Variants in RNF111 observed in about 807,000 individuals in gnomAD.
RNF111 encodes the protein E3 ubiquitin-protein ligase Arkadia.
RNF111 carries 17 observed loss-of-function variants against 95.1 expected under a neutral mutation model. That is an observed-to-expected ratio of 0.18 (90% CI 0.12 to 0.27). The LOEUF is 0.27. RNF111 is among the 10% of genes least tolerant of loss of function. The pLI is 1.00. For synonymous variants in RNF111, 440 were observed against 414.8 expected, an observed-to-expected ratio of 1.06 and a Z score of -0.74; for missense variants, 1,189 against 1,210.4, an observed-to-expected ratio of 0.98 and a Z score of 0.26.
In RNF111 at chr15:59,097,089, C is replaced by T. The variant is rs1018592611; in HGVS notation, c.*2189C>T. On this transcript the variant is annotated 3_prime_UTR_variant, in exon 14 of 14. Transcript: ENST00000348370. ...GTTAATATAGGAGCTTATTAAGCTA[C>T]TGCCATTAGTTATCGAAAAATGTGA... 1.3e-4 allele frequency: 20 copies of T among 152,142 alleles called. No homozygotes were observed. The highest frequency in any genetic ancestry group is 4.6e-4 in the African/African-American group (19 of 41,412). 9.4% of individuals were successfully genotyped at this position (152,142 alleles called of 1,614,324 possible).
chr15:59,070,488 AG>A (rs1195116807), intron 6 of RNF111, among the ~76,000 whole-genome samples: 2 of 152,214 alleles, frequency 1.3e-5, no homozygotes, highest in Non-Finnish European at 2.9e-5. Context: ...TCTAAATAGT[AG>A]GGAAAGGATT....
intron 1 of RNF111, among the ~76,000 whole-genome samples, chr15:59,001,456 G>A (rs1481826292): frequency 3.3e-5 from 5 of 152,012 alleles, no homozygotes; most frequent in Non-Finnish European, 4.4e-5. Context: ...TTTACTATCA[G>A]TTTAGTGGGG....
At chr15:59,036,357 G>A (rs1223919761) in intron 2 of RNF111, among the ~76,000 whole-genome samples, 1 of 152,056 alleles carries the variant, frequency 6.6e-6, no homozygotes, top group Non-Finnish European at 1.5e-5. Flanking sequence ...CACCGCACCC[G>A]GCCAAGACTG....
chr15:59,011,025 A>G (rs936551210), intron 1 of RNF111, among the ~76,000 whole-genome samples: 17 of 152,160 alleles, frequency 1.1e-4, no homozygotes. Context: ...AGTTGTTTGA[A>G]TTTGGCATCT....
At chr15:59,084,337 T>G (rs777842328) in intron 9 of RNF111, 83 bp downstream of exon 9, 16 of 1,306,388 alleles carry the variant, frequency 1.2e-5, no homozygotes, top group Admixed American at 5.1e-5. Context: ...ATTGATTGCT[T>G]TGCAGAAGGA....
chr15:59,075,489 A>G (rs2140131441), intron 6 of RNF111, among the ~76,000 whole-genome samples: 1 of 152,314 alleles, frequency 6.6e-6, no homozygotes, highest in East Asian at 1.9e-4. Flanking sequence ...TGCTTTATAC[A>G]GTTTGGAACT....
chr15:59,073,261 G>A lies in RNF111; in HGVS notation c.1687-2693G>A, dbSNP rs189136161. ...AGGCTGAGGCAGGCAGATCACTTGC[G>A]GTCAGCAGTTCAAGACCAGCGTGGG... On this transcript the variant is annotated intron_variant, in intron 6 of 13. Transcript: ENST00000348370. Among the ~76,000 whole-genome samples, 153 of 152,108 alleles carry A rather than the reference G, an allele frequency of 1.0e-3. No individual in the cohort carries two copies. The Middle Eastern group carries it at 0.01, about 10-fold the overall frequency.
At chr15:59,017,943 G>A (rs2040149483) in intron 1 of RNF111, among the ~76,000 whole-genome samples, 1 of 151,806 alleles carries the variant, frequency 6.6e-6, no homozygotes, top group Non-Finnish European at 1.5e-5. Flanking sequence ...ATTTTTGGTA[G>A]AGACGGGGTT....
At chr15:59,020,260 A>G (rs181122099) in intron 1 of RNF111, among the ~76,000 whole-genome samples, 1 of 150,446 alleles carries the variant, frequency 6.6e-6, no homozygotes, top group African/African-American at 2.4e-5. Flanking sequence ...ATATAACAAT[A>G]TATGCATTAT....
Position 59,081,014 on chromosome 15 carries a change from A to AGCCTCC in RNF111, c.2033_2038dup (p.Pro678_Pro679dup). 1 of 1,614,048 alleles carries AGCCTCC rather than the reference A, an allele frequency of 6.2e-7. No homozygotes were observed. The highest frequency in any genetic ancestry group is 8.5e-7 in the Non-Finnish European group (1 of 1,180,002). On this transcript the variant is annotated inframe_insertion, in exon 8 of 14. Transcript: ENST00000348370. ...CATGGAAACCCCCCTCCTCAGACTCAGCCTCCGCCTCAAGTGGATTATGTT... is the reference window on the plus strand; with the variant it reads ...CATGGAAACCCCCCTCCTCAGACTCAGCCTCCGCCTCCGCCTCAAGTGGATTATGTT...
At position 59,095,035 on chromosome 15, in the gene RNF111, A is replaced by G; in HGVS notation, c.*135A>G. 1 of 710,380 alleles carries G rather than the reference A, an allele frequency of 1.4e-6. No individual in the cohort carries two copies. The highest frequency in any genetic ancestry group is 1.5e-5 in the South Asian group (1 of 64,664). 44.0% of individuals were successfully genotyped at this position (710,380 alleles called of 1,614,324 possible). ...GAGTGCTGGCTCTGCTATATGGTAC[A>G]ACTAATGCTAGACCTACAGTTTATG... On this transcript the variant is annotated 3_prime_UTR_variant, in exon 14 of 14. Transcript: ENST00000348370.
chr15:59,051,504 A>G (rs919039347), intron 2 of RNF111, among the ~76,000 whole-genome samples: 20 of 144,164 alleles, frequency 1.4e-4, no homozygotes, highest in Non-Finnish European at 2.6e-4. Flanking sequence ...GGCTGGGTGC[A>G]GTGGCTCACG....
chr15:59,067,809 C>G (rs6494067), intron 6 of RNF111, among the ~76,000 whole-genome samples: 8,187 of 152,084 alleles, frequency 0.054, 473 homozygotes, highest in African/African-American at 0.14. Context: ...CTTTTACCTC[C>G]TACTGTAGAG....
At chr15:59,022,644 C>T (rs572655506) in intron 1 of RNF111, among the ~76,000 whole-genome samples, 5 of 152,270 alleles carry the variant, frequency 3.3e-5, no homozygotes, top group East Asian at 1.9e-4. Context: ...GTATAGTGAA[C>T]GTCTTTGGGT....
chr15:58,996,675 T>TTTTTTTTTTTTTTTTTTTTC (rs1389409492), intron 1 of RNF111, among the ~76,000 whole-genome samples: 1 of 71,886 alleles, frequency 1.4e-5, no homozygotes, highest in Non-Finnish European at 3.3e-5. Context: ...TTTTTTTTTT[T>TTTTTTTTTTTTTTTTTTTTC]TTTACCCAGG....
chr15:59,039,830 C>T (rs1170652758), intron 2 of RNF111, among the ~76,000 whole-genome samples: 1 of 152,056 alleles, frequency 6.6e-6, no homozygotes, highest in African/African-American at 2.4e-5. Flanking sequence ...GATTCCCCTG[C>T]CTCAGCCTCC....
At chr15:59,074,039 G>A (rs1303372939) in intron 6 of RNF111, among the ~76,000 whole-genome samples, 2 of 152,166 alleles carry the variant, frequency 1.3e-5, no homozygotes, top group African/African-American at 2.4e-5. Flanking sequence ...CTTTTGCCAA[G>A]CAGTAACATT....
intron 1 of RNF111, among the ~76,000 whole-genome samples, chr15:59,008,559 T>C (rs1490613732): frequency 6.6e-6 from 1 of 152,210 alleles, no homozygotes; most frequent in African/African-American, 2.4e-5. Context: ...CCTCATTATC[T>C]TGGCACTTTT....
intron 1 of RNF111, among the ~76,000 whole-genome samples, chr15:59,020,932 C>T (rs2040307871): frequency 6.6e-6 from 1 of 152,024 alleles, no homozygotes; most frequent in South Asian, 2.1e-4. Flanking sequence ...TTTTAAATCT[C>T]AGTAGGTTTT....
Sources: gnomAD v4.1 joint callset for allele counts (sites outside exome capture counted in the v4.1 genomes callset) on GRCh38, gnomAD v4.1.1 for gene constraint, MANE v1.5 for transcripts, NCBI Gene and HGNC (gene_info 2026-07-23, HGNC 2026-07-21) for gene names.